Variants in CIT observed in about 807,000 individuals in gnomAD.
The protein encoded by CIT is citron rho-interacting serine/threonine kinase.
In CIT, 79 loss-of-function variants were observed where a neutral mutation model predicts 272.7. The ratio of observed to expected loss-of-function variants is 0.29; its 90% CI spans 0.24 to 0.35. The LOEUF is 0.35. Ranked by LOEUF, CIT falls within the 10% of genes least tolerant of loss-of-function variation. The probability of loss-of-function intolerance (pLI) is 1.00; values close to 1 mark genes in which losing one functional copy is unlikely to be tolerated. For missense variants in CIT, 1,909 were observed against 2,618.3 expected, an observed-to-expected ratio of 0.73 and a Z score of 5.91; for synonymous variants, 948 against 995.6, an observed-to-expected ratio of 0.95 and a Z score of 0.90.
chr12:119,811,754 C>T (rs1966849398), intron 9 of CIT, among the ~76,000 whole-genome samples: 1 of 152,190 alleles, frequency 6.6e-6, no homozygotes, highest in African/African-American at 2.4e-5. Context: ...GACTTCTTAA[C>T]ATTTTAGCTT....
rs745801416 is a variant in CIT, at chr12:119,735,203, C to T, written c.3113G>A (p.Arg1038Gln). Residue 1038 changes from arginine (R) to glutamine (Q), a missense_variant, in exon 25 of 48, where the codon CGG (arginine) becomes CAG (glutamine). This residue lies in a region of CIT where 530 missense variants were observed against 822.4 expected (regional missense o/e 0.64). Coordinates refer to ENST00000392521, the MANE Select transcript of CIT (RefSeq NM_001206999.2). ...QLRSEVDHLRREITEREMQLT... is the reference protein window; with the variant it reads ...QLRSEVDHLRQEITEREMQLT... ...CTGCATCTCTCGTTCCGTGATCTCC[C>T]GGCGGAGATGGTCCACTTCACTTCG... 2.5e-6 allele frequency: 4 copies of T among 1,614,120 alleles called. No homozygotes were observed. Among genetic ancestry groups the T allele is most frequent in the South Asian group, 1.1e-5 (1 of 91,080 alleles).
chr12:119,829,754 G>A (rs1566100395), intron 7 of CIT, among the ~76,000 whole-genome samples: 1 of 152,058 alleles, frequency 6.6e-6, no homozygotes, highest in Non-Finnish European at 1.5e-5. Flanking sequence ...GCAGGTCCTA[G>A]AGTCACTAGG....
Position 119,712,434 on chromosome 12 carries a change from A to G in CIT, c.4685-87T>C, listed in dbSNP as rs1458767169. The G allele has an allele frequency of 6.8e-7, 1 of 1,472,414 alleles. No individual in the cohort carries two copies. The highest frequency in any genetic ancestry group is 9.3e-7 in the Non-Finnish European group (1 of 1,078,766). The allele number at this position is 1,472,414 out of a possible 1,614,324, so 91.2% of individuals were successfully genotyped here. ...CGGGCCTGAGAGATCAAAGATGCCC[A>G]CCAAACCACGCAAATCCCAGTTACC... On this transcript the variant is annotated intron_variant, in intron 36 of 47. Coordinates refer to ENST00000392521, the MANE Select transcript of CIT (RefSeq NM_001206999.2). This position sits in a 1 kb window ranked among gnomAD's most constrained non-coding sequence, Gnocchi z 5.2.
intron 30 of CIT, 194 bp from the exon 31 acceptor site, chr12:119,719,055 A>G: frequency 1.7e-6 from 1 of 582,284 alleles, no homozygotes; most frequent in Non-Finnish European, 3.0e-6. Context: ...GCTGAAAAAA[A>G]TAGGGGTGCG....
intron 39 of CIT, among the ~76,000 whole-genome samples, chr12:119,709,471 A>G (rs890276167): frequency 3.3e-5 from 5 of 152,154 alleles, no homozygotes; most frequent in Admixed American, 3.3e-4. Flanking sequence ...AGAATAAAAT[A>G]AGGAAGAGAG....
chr12:119,758,521 A>T, intron 21 of CIT, 70 bp downstream of exon 21: 2 of 940,200 alleles, frequency 2.1e-6, no homozygotes. Context: ...AAACAGAAGA[A>T]GGGAGTTTAT....
intron 40 of CIT, 109 bp from the exon 41 acceptor site, chr12:119,704,564 T>A: frequency 2.1e-6 from 2 of 933,194 alleles, no homozygotes; most frequent in South Asian, 1.5e-5. Flanking sequence ...TCAGACCAGA[T>A]CATTCTGTGT....
chr12:119,774,756 T>G (rs1352505973), intron 16 of CIT, among the ~76,000 whole-genome samples: 1 of 152,050 alleles, frequency 6.6e-6, no homozygotes, highest in Non-Finnish European at 1.5e-5. Context: ...GTGGTTCACT[T>G]GAGTCCAGGT....
At chr12:119,861,541 C>G (rs1044495090) in intron 3 of CIT, among the ~76,000 whole-genome samples, 1 of 151,594 alleles carries the variant, frequency 6.6e-6, no homozygotes, top group African/African-American at 2.4e-5. Context: ...GAGCCGAGAT[C>G]GCGCCATTGC....
intron 23 of CIT, 75 bp downstream of exon 23, chr12:119,751,975 T>C (rs892194755): frequency 1.5e-6 from 2 of 1,295,790 alleles, no homozygotes; most frequent in African/African-American, 2.9e-5. Context: ...GGTGAGCCAG[T>C]ATACTCAGTG....
At chr12:119,779,149 G>A (rs770708016) in intron 13 of CIT, among the ~76,000 whole-genome samples, 18 of 152,212 alleles carry the variant, frequency 1.2e-4, no homozygotes, top group Non-Finnish European at 2.2e-4. Flanking sequence ...GAACCTGGGA[G>A]GCAGAGGTTG....
intron 26 of CIT, among the ~76,000 whole-genome samples, chr12:119,731,852 T>G (rs914332827): frequency 7.0e-6 from 1 of 142,788 alleles, no homozygotes; most frequent in Non-Finnish European, 1.5e-5. Flanking sequence ...TTTTTTTTTT[T>G]TGAGATGGAG....
intron 28 of CIT, among the ~76,000 whole-genome samples, chr12:119,727,587 AC>A (rs1189842629): frequency 1.3e-5 from 2 of 152,172 alleles, no homozygotes; most frequent in African/African-American, 4.8e-5. Context: ...AAACACTTGT[AC>A]CCCTAAAGCT....
intron 23 of CIT, among the ~76,000 whole-genome samples, chr12:119,751,081 G>T (rs917771757): frequency 5.3e-5 from 8 of 152,136 alleles, no homozygotes; most frequent in Admixed American, 4.6e-4. Context: ...GGTACAGTAT[G>T]ATACTATGAG....
intron 22 of CIT, among the ~76,000 whole-genome samples, chr12:119,753,720 G>A (rs1960561266): frequency 6.7e-6 from 1 of 149,498 alleles, no homozygotes; most frequent in East Asian, 1.9e-4. Context: ...CTGGGTGACA[G>A]AGCGAGACTC....
rs1207256243 is a variant in CIT at position 119,694,649 on chromosome 12, CA to C, written c.5882+3009del. 6.6e-6 allele frequency among the ~76,000 whole-genome samples: 1 copy of C among 151,750 alleles called. No individual in the cohort carries two copies. Among genetic ancestry groups the C allele is most frequent in the African/African-American group, 2.4e-5 (1 of 41,286 alleles). On this transcript the variant is annotated intron_variant, in intron 46 of 47. Transcript: ENST00000392521. The surrounding 1 kb of genome is among the most constrained non-coding windows in gnomAD (Gnocchi z 4.5). Reference sequence around the variant, plus strand: ...TAAAACCCTGTCTCTACAAAAAATACAAAAATTAGCCAGGTGTGGTGGCGGG... The same window carrying C: ...TAAAACCCTGTCTCTACAAAAAATACAAAATTAGCCAGGTGTGGTGGCGGG...
In CIT at chr12:119,787,689, C is replaced by T. The variant is rs1193727845; in HGVS notation, c.1296-2624G>A. On this transcript the variant is annotated intron_variant, in intron 10 of 47. Coordinates refer to ENST00000392521, the MANE Select transcript of CIT (RefSeq NM_001206999.2). ...GAGCTTGCAGTGAGCCAAGATGGCA[C>T]CACAGCACTCCAGCCTGGGCAACAG... 2.6e-4 allele frequency among the ~76,000 whole-genome samples: 36 copies of T among 137,482 alleles called. No homozygotes were observed. The Admixed American group carries it at 2.9e-3, about 11-fold the overall frequency. 90.2% of individuals were successfully genotyped at this position (137,482 alleles called of 152,430 possible).
intron 5 of CIT, among the ~76,000 whole-genome samples, chr12:119,849,117 G>A (rs1970028512): frequency 6.6e-6 from 1 of 152,134 alleles, no homozygotes; most frequent in South Asian, 2.1e-4. Context: ...CTTCCCCTAG[G>A]GAGGAGGATT....
At chr12:119,867,291 C>G (rs1051871201) in intron 3 of CIT, among the ~76,000 whole-genome samples, 5 of 152,016 alleles carry the variant, frequency 3.3e-5, no homozygotes, top group African/African-American at 9.7e-5. Flanking sequence ...CAGGTTCAAG[C>G]GATTCTCCTG....
Sources: allele counts gnomAD v4.1 joint callset (sites outside exome capture counted in the v4.1 genomes callset), GRCh38; gene constraint gnomAD v4.1.1; regional missense constraint gnomAD v4.1.1; non-coding constraint Gnocchi (gnomAD v3.1); transcripts MANE v1.5; gene names NCBI Gene and HGNC (gene_info 2026-07-23, HGNC 2026-07-21).